Variants in CDH13 observed in about 807,000 individuals in gnomAD.
CDH13 encodes the protein cadherin 13, also known as cadherin-13.
CDH13 carries 24 observed loss-of-function variants against 63.8 expected under a neutral mutation model. That is an observed-to-expected ratio of 0.38 (90% CI 0.27 to 0.53). The LOEUF is 0.53. CDH13 is among the 20% of genes least tolerant of loss of function. The pLI, the probability that CDH13 is intolerant of heterozygous loss-of-function variation, is 0.85. For synonymous variants in CDH13, 503 were observed against 355.3 expected (o/e 1.42, Z -4.67); for missense variants, 1,049 against 903.1 (o/e 1.16, Z -2.07).
chr16:82,808,911 T>C (rs774041735), intron 1 of CDH13, among the ~76,000 whole-genome samples: 24 of 152,202 alleles, frequency 1.6e-4, no homozygotes, highest in Non-Finnish European at 3.1e-4. Context: ...AGCATCCTTA[T>C]ACCTGCCCTC....
chr16:82,929,651 C>CAAAAAAAAAAAAAAAAAAAAAAAAAA (rs71146097), intron 2 of CDH13, among the ~76,000 whole-genome samples: 3 of 44,280 alleles, frequency 6.8e-5, no homozygotes, highest in African/African-American at 2.9e-4. Context: ...GACTCCATCT[C>CAAAAAAAAAAAAAAAAAAAAAAAAAA]AAAAAAAAAA....
intron 6 of CDH13, among the ~76,000 whole-genome samples, chr16:83,475,983 A>C (rs530474314): frequency 1.3e-5 from 2 of 152,304 alleles, no homozygotes; most frequent in Middle Eastern, 3.4e-3. Context: ...TTAACCCAGG[A>C]GTTCATTAAT....
At chr16:83,785,838 G>A (rs557971326) in intron 13 of CDH13, among the ~76,000 whole-genome samples, 19 of 152,236 alleles carry the variant, frequency 1.2e-4, no homozygotes, top group African/African-American at 4.3e-4. Context: ...CAGGTGGTCC[G>A]AAGACACTGG....
At chr16:82,785,567 T>A (rs1362814275) in intron 1 of CDH13, among the ~76,000 whole-genome samples, 2 of 152,230 alleles carry the variant, frequency 1.3e-5, no homozygotes, top group East Asian at 3.8e-4. Flanking sequence ...AATCATGCAC[T>A]TGATTTTAAT....
intron 1 of CDH13, among the ~76,000 whole-genome samples, chr16:82,782,982 G>A (rs536278257): frequency 7.9e-5 from 12 of 152,278 alleles, no homozygotes; most frequent in Non-Finnish European, 1.6e-4. Context: ...TTTCCCAGGT[G>A]CTGTGAACCC....
chr16:83,198,555 T>C (rs1018713023), intron 4 of CDH13, among the ~76,000 whole-genome samples: 6 of 152,166 alleles, frequency 3.9e-5, no homozygotes, highest in African/African-American at 1.4e-4. Context: ...TCTTGATGGA[T>C]AGTTCAAAAG....
At chr16:82,902,553 G>A (rs547071571) in intron 2 of CDH13, among the ~76,000 whole-genome samples, 8 of 152,008 alleles carry the variant, frequency 5.3e-5, no homozygotes, top group Admixed American at 1.3e-4. Flanking sequence ...TTATTTACTC[G>A]TTTCACTTGG....
At chr16:83,751,622 G>A (rs1913093660) in intron 11 of CDH13, among the ~76,000 whole-genome samples, 1 of 152,208 alleles carries the variant, frequency 6.6e-6, no homozygotes, top group South Asian at 2.1e-4. Flanking sequence ...CCTGCAGTGG[G>A]TAAATGTGTT....
At chr16:83,288,627 A>G (rs2089387283) in intron 5 of CDH13, among the ~76,000 whole-genome samples, 1 of 152,206 alleles carries the variant, frequency 6.6e-6, no homozygotes. Flanking sequence ...GTTACCAAGA[A>G]GAAAGCTTGT....
At chr16:83,352,656 T>C (rs8051862) in intron 6 of CDH13, among the ~76,000 whole-genome samples, 115,207 of 152,112 alleles carry the variant, frequency 0.76, 43,672 homozygotes, top group East Asian at 0.89. Flanking sequence ...TTAGGGAGGG[T>C]GAGGCAGGTG....
intron 3 of CDH13, among the ~76,000 whole-genome samples, chr16:83,070,650 G>C (rs1446099337): frequency 5.3e-5 from 8 of 152,100 alleles, no homozygotes; most frequent in Non-Finnish European, 8.8e-5. Flanking sequence ...AGTGTGACTG[G>C]ACAATGCTGA....
At chr16:83,526,804 C>T (rs1397721048) in intron 7 of CDH13, among the ~76,000 whole-genome samples, 2 of 152,166 alleles carry the variant, frequency 1.3e-5, no homozygotes, top group Admixed American at 6.5e-5. Flanking sequence ...TGCTGGCAAT[C>T]CCAGTAATTG....
At chr16:83,000,312 G>T (rs904426737) in intron 2 of CDH13, among the ~76,000 whole-genome samples, 2 of 119,346 alleles carry the variant, frequency 1.7e-5, no homozygotes, top group Admixed American at 2.3e-4. Context: ...GCAAAGCTGC[G>T]ATCTCGGCTC....
intron 1 of CDH13, among the ~76,000 whole-genome samples, chr16:82,775,393 T>G (rs16958587): frequency 6.6e-6 from 1 of 152,116 alleles, no homozygotes; most frequent in East Asian, 1.9e-4. Context: ...CATGGGGAAG[T>G]TATTTACCTT....
chr16:82,922,827 A>G (rs962922705), intron 2 of CDH13, among the ~76,000 whole-genome samples: 3 of 152,150 alleles, frequency 2.0e-5, no homozygotes, highest in African/African-American at 7.2e-5. Context: ...GGGTTTAACT[A>G]CTTTTTGAGC....
At chr16:83,206,749 A>T (rs2039195069) in intron 4 of CDH13, among the ~76,000 whole-genome samples, 1 of 152,188 alleles carries the variant, frequency 6.6e-6, no homozygotes, top group Non-Finnish European at 1.5e-5. Context: ...GAGCTAGAAA[A>T]TTTCAAAATT....
chr16:82,643,429 C>T (rs191356230), intron 1 of CDH13, among the ~76,000 whole-genome samples: 32 of 152,260 alleles, frequency 2.1e-4, no homozygotes, highest in South Asian at 4.1e-4. Flanking sequence ...GGAAGCAGAA[C>T]GATGTTGAGA....
intron 2 of CDH13, among the ~76,000 whole-genome samples, chr16:82,928,544 C>A (rs2042378953): frequency 6.6e-6 from 1 of 152,174 alleles, no homozygotes; most frequent in Non-Finnish European, 1.5e-5. Flanking sequence ...ATCCTTTGGG[C>A]AACATAGAAT....
intron 2 of CDH13, among the ~76,000 whole-genome samples, chr16:82,866,188 C>G (rs2040131323): frequency 6.6e-6 from 1 of 152,096 alleles, no homozygotes; most frequent in Non-Finnish European, 1.5e-5. Flanking sequence ...AGCCATTTTA[C>G]AAGTCTCTGG....
Sources: gnomAD v4.1 joint callset for allele counts (sites outside exome capture counted in the v4.1 genomes callset) on GRCh38, gnomAD v4.1.1 for gene constraint, MANE v1.5 for transcripts, NCBI Gene and HGNC (gene_info 2026-07-23, HGNC 2026-07-21) for gene names.